PCDHGA3: variants seen among roughly 807,000 people sequenced by gnomAD.
PCDHGA3 encodes protocadherin gamma-A3.
In PCDHGA3, 40 loss-of-function variants were observed where a neutral mutation model predicts 58.5. The observed-to-expected ratio is 0.68, with a 90% CI of 0.53 to 0.89. The LOEUF is 0.89. Ranked by LOEUF, PCDHGA3 falls within the 40% of genes least tolerant of loss-of-function variation. The pLI, the probability that PCDHGA3 is intolerant of heterozygous loss-of-function variation, is 0.00. For synonymous variants in PCDHGA3, 530 were observed against 525.7 expected (o/e 1.01, Z -0.11); for missense variants, 1,223 against 1,195.9 (o/e 1.02, Z -0.33).
At chr5:141,495,852 TCTCA>T (rs1473070626) in intron 2 of PCDHGA3, among the ~76,000 whole-genome samples, 1 of 152,174 alleles carries the variant, frequency 6.6e-6, no homozygotes, top group Non-Finnish European at 1.5e-5. Flanking sequence ...TTTCTCTGTC[TCTCA>T]CTATTTCTGC....
chr5:141,478,497 C>A (rs746475685), intron 1 of PCDHGA3: 2 of 1,612,820 alleles, frequency 1.2e-6, no homozygotes, highest in Non-Finnish European at 1.7e-6. Context: ...AGCTGTGATC[C>A]GGTGTTCTAT....
intron 1 of PCDHGA3, chr5:141,393,194 C>G (rs770162660): frequency 6.2e-7 from 1 of 1,613,362 alleles, no homozygotes. Flanking sequence ...TTGATATTAA[C>G]GATAATAACC....
At chr5:141,463,741 C>T (rs1011021860) in intron 1 of PCDHGA3, among the ~76,000 whole-genome samples, 3 of 152,034 alleles carry the variant, frequency 2.0e-5, no homozygotes, top group Admixed American at 1.3e-4. Context: ...CCACCGCGCC[C>T]GGCCTGCTTC....
chr5:141,454,657 CG>C (rs1313292109), intron 1 of PCDHGA3, among the ~76,000 whole-genome samples: 1 of 152,074 alleles, frequency 6.6e-6, no homozygotes, highest in Admixed American at 6.6e-5. Flanking sequence ...CTGCCCACCT[CG>C]GCCTCCCAAA....
chr5:141,477,189 A>G lies in PCDHGA3; in HGVS notation c.2425-17618A>G, dbSNP rs377372902. ...CCGGAGATCACAGTCACCTCCGTGT[A>G]CAGCCCAGTACCCGAGGATGCCCCT... On this transcript the variant is annotated intron_variant, in intron 1 of 3. Coordinates refer to ENST00000253812, the MANE Select transcript of PCDHGA3 (RefSeq NM_018916.4). The surrounding 1 kb of genome is among the most constrained non-coding windows in gnomAD (Gnocchi z 4.9). 6.2e-7 allele frequency: 1 copy of G among 1,614,070 alleles called. No homozygotes were observed. The highest frequency in any genetic ancestry group is 8.5e-7 in the Non-Finnish European group (1 of 1,180,040).
At chr5:141,358,277 T>C (rs1760874322) in intron 1 of PCDHGA3, among the ~76,000 whole-genome samples, 1 of 152,226 alleles carries the variant, frequency 6.6e-6, no homozygotes, top group Admixed American at 6.5e-5. Flanking sequence ...ACCTGTAAAA[T>C]AGAAGGCAAT....
intron 1 of PCDHGA3, chr5:141,352,144 G>A: frequency 6.2e-7 from 1 of 1,612,258 alleles, no homozygotes; most frequent in East Asian, 2.2e-5. Context: ...CGCGTGCCTT[G>A]GGCGACAGGG....
At chr5:141,355,575 T>C in intron 1 of PCDHGA3, 1 of 1,614,004 alleles carries the variant, frequency 6.2e-7, no homozygotes, top group East Asian at 2.2e-5. Flanking sequence ...AAATAATCGA[T>C]GTTAATGATA....
intron 1 of PCDHGA3, among the ~76,000 whole-genome samples, chr5:141,426,030 G>A (rs966664613): frequency 1.3e-5 from 2 of 152,168 alleles, no homozygotes; most frequent in Admixed American, 6.5e-5. Context: ...AATAGACTCA[G>A]AGCCCTGCTG....
rs780863525 is a variant in PCDHGA3 at position 141,384,110 on chromosome 5, T to C, written c.2424+37653T>C. The stretch of plus-strand genomic sequence containing the variant: ...AAATCAATAGATAATTATTATAGAT[T>C]GGTCACAACCAAAAACTTGGACCGG... On this transcript the variant is annotated intron_variant, in intron 1 of 3. Transcript: ENST00000253812. The C allele has an allele frequency of 5.0e-6, 8 of 1,604,780 alleles. No homozygotes were observed. The South Asian group carries it at 7.8e-5, about 16-fold the overall frequency.
In PCDHGA3 at chr5:141,432,872, C is replaced by G; in HGVS notation, c.2425-61935C>G. 4 of 1,614,192 alleles carry G rather than the reference C, an allele frequency of 2.5e-6. No individual in the cohort carries two copies. The highest frequency in any genetic ancestry group is 3.4e-6 in the Non-Finnish European group (4 of 1,180,018). ...GGTGGCCGCGGTCTCCTGCGTCTTCCTGGCCTTCGTCATCTTGCTGCTGGC... is the reference window on the plus strand; with the variant it reads ...GGTGGCCGCGGTCTCCTGCGTCTTCGTGGCCTTCGTCATCTTGCTGCTGGC... On this transcript the variant is annotated intron_variant, in intron 1 of 3. Coordinates refer to ENST00000253812, the MANE Select transcript of PCDHGA3 (RefSeq NM_018916.4). The surrounding 1 kb of genome is among the most constrained non-coding windows in gnomAD (Gnocchi z 6.0).
In PCDHGA3 at chr5:141,346,318, A is replaced by G; in HGVS notation, c.2285A>G (p.Asp762Gly). The G allele has an allele frequency of 6.2e-7, 1 of 1,613,842 alleles. No homozygotes were observed. ...TYSHEVSLTA[D>G]SRKSHLIFPQ... is the part of the protein sequence containing the mutation. ...TCCCACGAGGTCTCCCTCACTGCGGACTCGCGGAAGAGCCACCTGATTTTC... is the reference window on the plus strand; with the variant it reads ...TCCCACGAGGTCTCCCTCACTGCGGGCTCGCGGAAGAGCCACCTGATTTTC... Residue 762 changes from aspartate (D) to glycine (G), a missense_variant, in exon 1 of 4, where the codon GAC (aspartate) becomes GGC (glycine). Transcript: ENST00000253812.
At chr5:141,417,913 T>C in intron 1 of PCDHGA3, 1 of 1,601,944 alleles carries the variant, frequency 6.2e-7, no homozygotes, top group Admixed American at 1.8e-5. Context: ...AGGTACTATT[T>C]CCTTTGCTGC....
chr5:141,476,672 A>T lies in PCDHGA3; in HGVS notation c.2425-18135A>T. 6.2e-7 allele frequency: 1 copy of T among 1,614,206 alleles called. No individual in the cohort carries two copies. Among genetic ancestry groups the T allele is most frequent in the African/African-American group, 1.3e-5 (1 of 75,058 alleles). ...TGAATACTTTGCGCTTCGCGTGCAG[A>T]CGCGGGAGGACAGCACCAAGTACGC... On this transcript the variant is annotated intron_variant, in intron 1 of 3. Transcript: ENST00000253812. The surrounding 1 kb of genome is among the most constrained non-coding windows in gnomAD (Gnocchi z 7.6).
intron 1 of PCDHGA3, chr5:141,357,256 G>A: frequency 6.2e-7 from 1 of 1,613,738 alleles, no homozygotes; most frequent in Non-Finnish European, 8.5e-7. Flanking sequence ...AGACCCAGAC[G>A]ACTCGGGCCT....
At chr5:141,394,530 A>C in intron 1 of PCDHGA3, 1 of 1,614,140 alleles carries the variant, frequency 6.2e-7, no homozygotes, top group African/African-American at 1.3e-5. Flanking sequence ...AGACGGTTCC[A>C]CTGGCGTGGA....
chr5:141,494,546 G>T (rs984336435), intron 1 of PCDHGA3, among the ~76,000 whole-genome samples: 1 of 152,152 alleles, frequency 6.6e-6, no homozygotes, highest in African/African-American at 2.4e-5. Context: ...GGAGGAAGGG[G>T]CCATTTCTTT....
intron 1 of PCDHGA3, among the ~76,000 whole-genome samples, chr5:141,483,778 G>T (rs1012545478): frequency 1.6e-4 from 24 of 152,222 alleles, no homozygotes; most frequent in African/African-American, 5.8e-4. Context: ...ATTGGGGAAG[G>T]ATAAGAACTC....
intron 1 of PCDHGA3, chr5:141,395,849 C>G (rs1173151406): frequency 6.6e-6 from 1 of 152,094 alleles, no homozygotes; most frequent in African/African-American, 2.4e-5. Flanking sequence ...GGAGATGAGA[C>G]TGGTTACTAA....
Sources: gnomAD v4.1 joint callset for allele counts (sites outside exome capture counted in the v4.1 genomes callset) on GRCh38, gnomAD v4.1.1 for gene constraint, Gnocchi (gnomAD v3.1) non-coding constraint, MANE v1.5 for transcripts, NCBI Gene and HGNC (gene_info 2026-07-23, HGNC 2026-07-21) for gene names.